The following ARSB variants were observed in gnomAD, a reference collection of about 807,000 sequenced individuals.
ARSB encodes the protein N-acetylgalactosamine-4-sulfatase.
In ARSB, 41 loss-of-function variants were observed where a neutral mutation model predicts 50.9. That is an observed-to-expected ratio of 0.81 (90% CI 0.63 to 1.04). The LOEUF (loss-of-function observed/expected upper bound fraction) is 1.04. ARSB is among the 50% of genes least tolerant of loss of function. The pLI is 0.00. For synonymous variants in ARSB, 269 were observed against 284.8 expected, an observed-to-expected ratio of 0.94 and a Z score of 0.56; for missense variants, 672 against 693.3, an observed-to-expected ratio of 0.97 and a Z score of 0.35.
intron 3 of ARSB, among the ~76,000 whole-genome samples, chr5:78,962,497 C>A (rs1223354289): frequency 6.9e-6 from 1 of 145,512 alleles, no homozygotes; most frequent in South Asian, 2.2e-4. Context: ...ACACCTCTAT[C>A]TGTGTTTTCA....
intron 5 of ARSB, among the ~76,000 whole-genome samples, chr5:78,867,505 T>C (rs2112130606): frequency 6.6e-6 from 1 of 152,322 alleles, no homozygotes; most frequent in East Asian, 1.9e-4. Flanking sequence ...AGTGGGTCCC[T>C]GACCCCTGAC....
chr5:78,832,357 G>C (rs1382553230), intron 6 of ARSB, among the ~76,000 whole-genome samples: 2 of 152,208 alleles, frequency 1.3e-5, no homozygotes, highest in Non-Finnish European at 2.9e-5. Flanking sequence ...AGGGTGGGGA[G>C]AGGCTGTGTC....
At chr5:78,844,652 A>G (rs945953335) in intron 5 of ARSB, among the ~76,000 whole-genome samples, 7 of 152,274 alleles carry the variant, frequency 4.6e-5, no homozygotes, top group Middle Eastern at 6.8e-3. Context: ...AGAGTTTTAT[A>G]GTTTTAATTC....
chr5:78,850,068 A>C (rs1390294284), intron 5 of ARSB, among the ~76,000 whole-genome samples: 1 of 151,706 alleles, frequency 6.6e-6, no homozygotes, highest in African/African-American at 2.4e-5. Flanking sequence ...TCTCCTGCCT[A>C]ATTGCCCTGG....
intron 4 of ARSB, among the ~76,000 whole-genome samples, chr5:78,888,049 C>T (rs1748116754): frequency 6.6e-6 from 1 of 152,134 alleles, no homozygotes; most frequent in Admixed American, 6.5e-5. Context: ...CTGTGCTTCT[C>T]GAAAGGGAGT....
chr5:78,839,505 A>T, intron 5 of ARSB, 79 bp from the exon 6 acceptor site: 2 of 1,336,044 alleles, frequency 1.5e-6, no homozygotes, highest in East Asian at 4.7e-5. Flanking sequence ...CCTTCCTTGT[A>T]CTTATAGGAA....
intron 6 of ARSB, chr5:78,817,198 G>T (rs1744025245): frequency 1.2e-6 from 1 of 813,838 alleles, no homozygotes; most frequent in Non-Finnish European, 1.5e-6. Flanking sequence ...GACCACTGTT[G>T]TCCTTGTTCA....
chr5:78,904,685 C>CTTTTTTTTTTTTTTTTT (rs55920994), intron 4 of ARSB, among the ~76,000 whole-genome samples: 9 of 98,932 alleles, frequency 9.1e-5, no homozygotes, highest in Non-Finnish European at 1.4e-4. Context: ...TTCTTTCTTT[C>CTTTTTTTTTTTTTTTTT]TTTTTTTTTT....
chr5:78,873,095 A>G (rs1302799027), intron 5 of ARSB, among the ~76,000 whole-genome samples: 1 of 152,188 alleles, frequency 6.6e-6, no homozygotes. Context: ...CTACTATGGA[A>G]AAACAGTCAT....
intron 5 of ARSB, among the ~76,000 whole-genome samples, chr5:78,849,597 G>A (rs1290115895): frequency 6.9e-5 from 10 of 145,338 alleles, no homozygotes; most frequent in Admixed American, 2.8e-4. Context: ...ATTCTGTGAA[G>A]AAAGTCATTG....
rs1413364457 is a variant in ARSB at position 78,955,476 on chromosome 5, C to A, written c.717G>T (p.Gln239His). ...EKPLFLYLAL[Q>H]SVHEPLQVPE... ...GGACCTGAAGGGGCTCATGCACAGA[C>A]TGGAGAGCAAGGTAGAGAAACAGAG... Residue 239 changes from glutamine (Q) to histidine (H), a missense_variant, in exon 4 of 8, where the codon CAG becomes CAT. Gln to His is a conservative substitution (Grantham distance 24, BLOSUM62 0). Coordinates refer to ENST00000264914, the MANE Select transcript of ARSB (RefSeq NM_000046.5). 1.2e-6 allele frequency: 2 copies of A among 1,614,066 alleles called. No homozygotes were observed. Among genetic ancestry groups the A allele is most frequent in the Non-Finnish European group, 1.7e-6 (2 of 1,179,982 alleles).
chr5:78,894,999 G>A (rs1482012902), intron 4 of ARSB, among the ~76,000 whole-genome samples: 1 of 152,180 alleles, frequency 6.6e-6, no homozygotes, highest in Non-Finnish European at 1.5e-5. Context: ...AGGAGACAAA[G>A]GGATGAACAG....
intron 4 of ARSB, among the ~76,000 whole-genome samples, chr5:78,927,280 A>C (rs1391025373): frequency 6.6e-6 from 1 of 152,208 alleles, no homozygotes; most frequent in Non-Finnish European, 1.5e-5. Context: ...ATTTTTTCAT[A>C]TCATCTTTGA....
At chr5:78,910,724 A>T (rs1352459096) in intron 4 of ARSB, among the ~76,000 whole-genome samples, 1 of 152,116 alleles carries the variant, frequency 6.6e-6, no homozygotes, top group South Asian at 2.1e-4. Flanking sequence ...CACTAAAAAA[A>T]TTTTTAAAAA....
chr5:78,829,507 C>T (rs1744579604), intron 6 of ARSB, among the ~76,000 whole-genome samples: 1 of 152,128 alleles, frequency 6.6e-6, no homozygotes, highest in African/African-American at 2.4e-5. Flanking sequence ...AATATCCTTT[C>T]CTGGGCATAT....
chr5:78,857,075 C>T (rs960963246), intron 5 of ARSB, among the ~76,000 whole-genome samples: 3 of 152,170 alleles, frequency 2.0e-5, no homozygotes, highest in East Asian at 3.9e-4. Flanking sequence ...GATCCAGATT[C>T]TGCAGACATG....
chr5:78,905,667 T>C (rs542235859), intron 4 of ARSB, among the ~76,000 whole-genome samples: 1 of 152,226 alleles, frequency 6.6e-6, no homozygotes, highest in African/African-American at 2.4e-5. Context: ...TTTGCTCCTT[T>C]GGGCCTGTGT....
intron 4 of ARSB, among the ~76,000 whole-genome samples, chr5:78,948,225 A>G (rs1298398483): frequency 6.6e-6 from 1 of 152,170 alleles, no homozygotes; most frequent in Non-Finnish European, 1.5e-5. Flanking sequence ...CTAGTATTTA[A>G]TAACACAATA....
chr5:78,833,045 T>C (rs1442188058), intron 6 of ARSB, among the ~76,000 whole-genome samples: 1 of 152,128 alleles, frequency 6.6e-6, no homozygotes, highest in African/African-American at 2.4e-5. Flanking sequence ...ACCTGCAGGA[T>C]AGGTGTATAT....
Sources: gnomAD v4.1 joint callset for allele counts (sites outside exome capture counted in the v4.1 genomes callset) on GRCh38, gnomAD v4.1.1 for gene constraint, MANE v1.5 for transcripts, NCBI Gene and HGNC (gene_info 2026-07-23, HGNC 2026-07-21) for gene names.